Variants in APPL1 observed in about 807,000 individuals in gnomAD.
APPL1 encodes the protein DCC-interacting protein 13-alpha.
Under a neutral mutation model 106.8 loss-of-function variants are expected in APPL1, and 42 were observed. That is an observed-to-expected ratio of 0.39 (90% CI 0.31 to 0.51). The LOEUF (loss-of-function observed/expected upper bound fraction) is 0.51, where lower values mean the gene tolerates loss of function less well. APPL1 is among the 20% of genes least tolerant of loss of function. The pLI is 0.75. For missense variants in APPL1, 769 were observed against 858.2 expected (o/e 0.90, Z 1.30); for synonymous variants, 263 against 281.8 (o/e 0.93, Z 0.67).
chr3:57,269,592 G>A lies in APPL1; in HGVS notation c.2035G>A (p.Ala679Thr), dbSNP rs1354442068. The change falls in exon 22 of 22, where the codon GCC (alanine) becomes ACC (threonine). Residue 679 changes from alanine (A) to threonine (T), a missense_variant. By Grantham distance (58) the Ala-to-Thr change is moderately conservative (BLOSUM62 0). Coordinates refer to ENST00000288266, the MANE Select transcript of APPL1 (RefSeq NM_012096.3). ...AGCTGCTTCCAGTAGACCAAACCAAGCCAGTAGTGAGGGGCAGTTTGTTGT... is the reference window on the plus strand; with the variant it reads ...AGCTGCTTCCAGTAGACCAAACCAAACCAGTAGTGAGGGGCAGTTTGTTGT... The part of the protein sequence containing the change: ...LIAASSRPNQ[A>T]SSEGQFVVLS... The A allele has an allele frequency of 6.2e-7, 1 of 1,613,994 alleles. No individual in the cohort carries two copies. Among genetic ancestry groups the A allele is most frequent in the African/African-American group, 1.3e-5 (1 of 74,924 alleles).
chr3:57,246,152 C>G lies in APPL1; in HGVS notation c.551C>G (p.Ala184Gly). The G allele has an allele frequency of 6.2e-7, 1 of 1,612,062 alleles. No homozygotes were observed. Among genetic ancestry groups the G allele is most frequent in the Non-Finnish European group, 8.5e-7 (1 of 1,178,776 alleles). ...QHQTMMHYFC[A>G]LNTLQYKKKI... is the part of the protein sequence containing the mutation. Reference sequence around the variant, plus strand: ...CAGACCATGATGCATTATTTTTGTGCATTAAATACTCTTCAGTACAAGAAG... The same window carrying G: ...CAGACCATGATGCATTATTTTTGTGGATTAAATACTCTTCAGTACAAGAAG... Residue 184 changes from alanine (A) to glycine (G), a missense_variant, in exon 8 of 22, where the codon GCA (alanine) becomes GGA (glycine). Coordinates refer to ENST00000288266, the MANE Select transcript of APPL1 (RefSeq NM_012096.3).
intron 13 of APPL1, among the ~76,000 whole-genome samples, chr3:57,256,168 C>T (rs934903793): frequency 6.6e-6 from 1 of 152,078 alleles, no homozygotes; most frequent in African/African-American, 2.4e-5. Context: ...ATAATCATGC[C>T]ATTGCACGCC....
At chr3:57,229,351 A>G (rs900345956) in intron 1 of APPL1, among the ~76,000 whole-genome samples, 6 of 152,026 alleles carry the variant, frequency 3.9e-5, no homozygotes, top group East Asian at 1.9e-4. Context: ...GCCCATAAAG[A>G]CTATAAACGG....
Position 57,252,291 on chromosome 3 carries a change from A to G in APPL1, c.1075A>G (p.Ser359Gly), listed in dbSNP as rs1392069058. The stretch of plus-strand genomic sequence containing the variant: ...CAGATCTTCAATTTTGCAAGCAGAG[A>G]GTAAAAAAGATCATGAAGAGGTAAG... The part of the protein sequence containing the change: ...GKKSSILQAE[S>G]KKDHEEWICT... The change falls in exon 12 of 22, where the codon AGT becomes GGT. Residue 359 changes from serine (S) to glycine (G), a missense_variant. By Grantham distance (56) the Ser-to-Gly change is moderately conservative. Coordinates refer to ENST00000288266, the MANE Select transcript of APPL1 (RefSeq NM_012096.3). The G allele has an allele frequency of 3.1e-6, 5 of 1,608,666 alleles. No homozygotes were observed. The highest frequency in any genetic ancestry group is 1.7e-4 in the Middle Eastern group (1 of 5,996).
At chr3:57,245,968 T>C in intron 7 of APPL1, 108 bp from the exon 8 acceptor site, 1 of 709,918 alleles carries the variant, frequency 1.4e-6, no homozygotes, top group South Asian at 3.1e-5. Context: ...CTTGTGATAC[T>C]CAATTCCTTG....
rs1194064981 is a variant in APPL1 at position 57,270,989 on chromosome 3, A to G, written c.*1302A>G. On this transcript the variant is annotated 3_prime_UTR_variant, in exon 22 of 22. Coordinates refer to ENST00000288266, the MANE Select transcript of APPL1 (RefSeq NM_012096.3). ...ATCACTTTTAACACTGCTAATAGAA[A>G]TTATGTTTTCATGTGTTTCACATGA... 1 of 152,148 alleles carries G rather than the reference A, an allele frequency of 6.6e-6. No individual in the cohort carries two copies. The highest frequency in any genetic ancestry group is 1.9e-4 in the East Asian group (1 of 5,198). 9.4% of individuals were successfully genotyped at this position (152,148 alleles called of 1,614,324 possible). A position where few individuals can be genotyped will look rare whatever the true frequency, so the allele number is the denominator to read the frequency against.
intron 1 of APPL1, among the ~76,000 whole-genome samples, chr3:57,234,293 ATTC>A (rs1412616944): frequency 7.3e-6 from 1 of 137,248 alleles, no homozygotes; most frequent in Non-Finnish European, 1.5e-5. Context: ...TTTTATTGAC[ATTC>A]TTTTTTTTTT....
In APPL1 at chr3:57,250,964, C is replaced by T. The variant is rs567457012; in HGVS notation, c.1053-1305C>T. On this transcript the variant is annotated intron_variant, in intron 11 of 21. Transcript: ENST00000288266. Reference sequence around the variant, plus strand: ...CTGGGACTACAGGCGCCTGCTACCACGCCCGGCTAATTTTTTGTATTTTTA... The same window carrying T: ...CTGGGACTACAGGCGCCTGCTACCATGCCCGGCTAATTTTTTGTATTTTTA... 1.1e-3 allele frequency among the ~76,000 whole-genome samples: 161 copies of T among 149,546 alleles called. 5 individuals are homozygous for T. The South Asian group carries it at 0.033, about 31-fold the overall frequency.
At chr3:57,263,699 T>G (rs1003592267) in intron 19 of APPL1, among the ~76,000 whole-genome samples, 11 of 152,100 alleles carry the variant, frequency 7.2e-5, no homozygotes, top group Admixed American at 2.6e-4. Context: ...AATCTCATTC[T>G]TTTTTTCTGG....
At chr3:57,259,445 C>T (rs1276515599) in intron 16 of APPL1, among the ~76,000 whole-genome samples, 1 of 151,844 alleles carries the variant, frequency 6.6e-6, no homozygotes, top group Non-Finnish European at 1.5e-5. Context: ...GTAAGAACCA[C>T]CAGTTGTTGT....
chr3:57,259,546 T>G (rs1374149115), intron 16 of APPL1, among the ~76,000 whole-genome samples: 2 of 152,260 alleles, frequency 1.3e-5, no homozygotes, highest in South Asian at 4.1e-4. Context: ...TCCTCCTGCC[T>G]TAGCCTCCCA....
At chr3:57,268,665 T>A in intron 21 of APPL1, 178 bp downstream of exon 21, 6 of 515,002 alleles carry the variant, frequency 1.2e-5, no homozygotes, top group Non-Finnish European at 1.8e-5. Flanking sequence ...ATATGATGTT[T>A]ACATTATAGT....
intron 18 of APPL1, 194 bp downstream of exon 18, chr3:57,260,347 T>A: frequency 1.6e-6 from 1 of 607,992 alleles, no homozygotes; most frequent in Non-Finnish European, 2.6e-6. Flanking sequence ...TTAAAAGAAT[T>A]AACACAATTC....
chr3:57,247,189 G>A (rs1390188721), intron 8 of APPL1, among the ~76,000 whole-genome samples: 1 of 152,126 alleles, frequency 6.6e-6, no homozygotes, highest in Non-Finnish European at 1.5e-5. Context: ...AAATATAAAA[G>A]GATATGCAGT....
chr3:57,244,176 G>A (rs1187161883), intron 7 of APPL1, among the ~76,000 whole-genome samples: 1 of 149,056 alleles, frequency 6.7e-6, no homozygotes. Flanking sequence ...TTTTTTTTGA[G>A]ACAGGGCCTC....
rs545371982 is a variant in APPL1, at chr3:57,229,854, C to T, written c.54+1917C>T. Among the ~76,000 whole-genome samples, 170 of 152,124 alleles carry T rather than the reference C, an allele frequency of 1.1e-3. 1 individual carries two copies. Among genetic ancestry groups the T allele is most frequent in the South Asian group, 1.9e-3 (9 of 4,806 alleles). On this transcript the variant is annotated intron_variant, in intron 1 of 21. Transcript: ENST00000288266. The stretch of plus-strand genomic sequence containing the variant: ...TCAGCCTCCTGAGTAGCTGGGATTA[C>T]AGACGTGTGCCACCACGCCCACCTA...
Position 57,248,258 on chromosome 3 carries a change from C to A in APPL1, c.770C>A (p.Ala257Asp), listed in dbSNP as rs1579390197. 6 of 1,613,994 alleles carry A rather than the reference C, an allele frequency of 3.7e-6. No individual in the cohort carries two copies. The East Asian group carries it at 1.1e-4, about 30-fold the overall frequency. ...CAGACAATAGAGGATTTGGAAGTAG[C>A]CAGTGATCCCTTATATGTGCCTGAC... ...MQQTIEDLEV[A>D]SDPLYVPDPD... The change falls in exon 10 of 22, where the codon GCC becomes GAC. Residue 257 changes from alanine to aspartate, a missense_variant. By Grantham distance (126) the Ala-to-Asp change is moderately radical (BLOSUM62 -2). Transcript: ENST00000288266.
At chr3:57,245,974 C>A in intron 7 of APPL1, 102 bp from the exon 8 acceptor site, 1 of 757,846 alleles carries the variant, frequency 1.3e-6, no homozygotes, top group Non-Finnish European at 1.9e-6. Context: ...ATACTCAATT[C>A]CTTGGGTAGG....
At chr3:57,269,160 T>G (rs942361065) in intron 21 of APPL1, 6 of 161,246 alleles carry the variant, frequency 3.7e-5, no homozygotes, top group African/African-American at 1.4e-4. Flanking sequence ...GACACCTGAT[T>G]TAGCAAAGAT....
Sources: gnomAD v4.1 joint callset for allele counts (sites outside exome capture counted in the v4.1 genomes callset) on GRCh38, gnomAD v4.1.1 for gene constraint, MANE v1.5 for transcripts, NCBI Gene and HGNC (gene_info 2026-07-23, HGNC 2026-07-21) for gene names.